TMX2: variants seen among roughly 807,000 people sequenced by gnomAD.
TMX2 encodes thioredoxin related transmembrane protein 2, also known as thioredoxin-related transmembrane protein 2.
In TMX2, 20 loss-of-function variants were observed where a neutral mutation model predicts 33.4. That is an observed-to-expected ratio of 0.60 (90% CI 0.42 to 0.87). The LOEUF is 0.87. Ranked by LOEUF, TMX2 falls within the 40% of genes least tolerant of loss-of-function variation. TMX2 has a pLI of 0.00. For missense variants in TMX2, 340 were observed against 370.7 expected (o/e 0.92, Z 0.68); for synonymous variants, 166 against 140.7 (o/e 1.18, Z -1.27).
At chr11:57,737,308 T>C (rs1319598898) in intron 1 of TMX2, among the ~76,000 whole-genome samples, 1 of 151,896 alleles carries the variant, frequency 6.6e-6, no homozygotes, top group African/African-American at 2.4e-5. Flanking sequence ...CAATCCCAGC[T>C]ACCTGGGAGG....
At chr11:57,720,122 C>G (rs1260368041) in intron 1 of TMX2, among the ~76,000 whole-genome samples, 1 of 107,670 alleles carries the variant, frequency 9.3e-6, no homozygotes, top group Non-Finnish European at 1.9e-5. Context: ...AACCCCATCT[C>G]TACTAAAAAT....
At chr11:57,715,424 TA>T (rs992781681) in intron 1 of TMX2, among the ~76,000 whole-genome samples, 3 of 149,764 alleles carry the variant, frequency 2.0e-5, no homozygotes, top group Non-Finnish European at 3.0e-5. Flanking sequence ...TAAATAAAAT[TA>T]AAAAAATATA....
In TMX2 at chr11:57,738,153, C is replaced by G. The variant is rs946346731; in HGVS notation, c.364+127C>G. The G allele has an allele frequency of 5.1e-6, 4 of 782,306 alleles. No homozygotes were observed. The African/African-American group carries it at 7.0e-5, about 14-fold the overall frequency. 48.5% of individuals were successfully genotyped at this position (782,306 alleles called of 1,614,324 possible). On this transcript the variant is annotated intron_variant, in intron 3 of 7. Transcript: ENST00000278422. ...TTCTCCATACCCTTCTTCCATATCT[C>G]ATACCTAATGAATTATATATGTAGC...
intron 1 of TMX2, among the ~76,000 whole-genome samples, chr11:57,736,854 C>G (rs1436334757): frequency 4.0e-4 from 59 of 148,660 alleles, no homozygotes; most frequent in Non-Finnish European, 4.4e-5. Flanking sequence ...CCATTGCACT[C>G]TAGCCTGGGC....
chr11:57,739,150 C>T lies in TMX2; in HGVS notation c.634C>T (p.Pro212Ser), dbSNP rs138945359. 2.2e-5 allele frequency: 36 copies of T among 1,614,092 alleles called. No individual in the cohort carries two copies. In the African/African-American group the frequency reaches 4.7e-4, roughly 21 times the overall value. The change falls in exon 7 of 8, where the codon CCC (proline) becomes TCC (serine). Residue 212 changes from proline to serine, a missense_variant. Around this residue, in one of 3 missense-constraint regions of TMX2, gnomAD observed 209 missense variants for 241.6 expected, o/e 0.87. Coordinates refer to ENST00000278422, the MANE Select transcript of TMX2 (RefSeq NM_015959.4). ...VSTRYKVSTS[P>S]LTKQLPTLIL... Reference sequence around the variant, plus strand: ...CTGCAGGTACAAAGTGAGCACATCACCCCTCACCAAGCAACTCCCTACCCT... The same window carrying T: ...CTGCAGGTACAAAGTGAGCACATCATCCCTCACCAAGCAACTCCCTACCCT...
At chr11:57,723,971 T>C (rs374223862) in intron 1 of TMX2, among the ~76,000 whole-genome samples, 1 of 151,484 alleles carries the variant, frequency 6.6e-6, no homozygotes, top group African/African-American at 2.4e-5. Context: ...ATAGTCAATA[T>C]AGGGGAAGGG....
In TMX2 at chr11:57,740,476, A is replaced by T. The variant is rs1365178413; in HGVS notation, c.*231A>T. The T allele has an allele frequency of 2.1e-6, 1 of 467,452 alleles. No homozygotes were observed. Among genetic ancestry groups the T allele is most frequent in the Non-Finnish European group, 3.7e-6 (1 of 267,442 alleles). The allele number at this position is 467,452 out of a possible 1,614,324, so 29.0% of individuals were successfully genotyped here. On this transcript the variant is annotated 3_prime_UTR_variant, in exon 8 of 8. Coordinates refer to ENST00000278422, the MANE Select transcript of TMX2 (RefSeq NM_015959.4). ...TGGAGCAAGAAAGAGATCTCATAGG[A>T]CGGAGGGGGAAATGGTTTCCCTCCA...
chr11:57,725,158 C>T (rs1471903487), intron 1 of TMX2, among the ~76,000 whole-genome samples: 1 of 152,130 alleles, frequency 6.6e-6, no homozygotes, highest in Non-Finnish European at 1.5e-5. Context: ...GTAAATCCTC[C>T]ATTGCATAGC....
At chr11:57,719,059 A>C (rs1426664661) in intron 1 of TMX2, among the ~76,000 whole-genome samples, 2 of 120,050 alleles carry the variant, frequency 1.7e-5, no homozygotes, top group Non-Finnish European at 3.4e-5. Context: ...TTTTTTTGAG[A>C]CAGAGTCTCA....
At chr11:57,716,849 C>G (rs917434682) in intron 1 of TMX2, among the ~76,000 whole-genome samples, 2 of 151,344 alleles carry the variant, frequency 1.3e-5, no homozygotes, top group East Asian at 2.0e-4. Context: ...GCTGACCCCC[C>G]CCACCTCCCT....
rs1307517266 is a variant in TMX2 at position 57,716,695 on chromosome 11, G to A, written c.189+3888G>A. 4.8e-5 allele frequency among the ~76,000 whole-genome samples: 7 copies of A among 146,778 alleles called. No homozygotes were observed. The East Asian group carries it at 1.1e-3, about 22-fold the overall frequency. ...CCCCCACCTCCCTCCCGGACGGGGCGGCAGGCCGGGTGGGGGGCTGACTCC... is the reference window on the plus strand; with the variant it reads ...CCCCCACCTCCCTCCCGGACGGGGCAGCAGGCCGGGTGGGGGGCTGACTCC... On this transcript the variant is annotated intron_variant, in intron 1 of 7. Transcript: ENST00000278422.
chr11:57,725,353 T>G (rs1308193164), intron 1 of TMX2, among the ~76,000 whole-genome samples: 2 of 152,194 alleles, frequency 1.3e-5, no homozygotes, highest in Non-Finnish European at 2.9e-5. Context: ...TCTGTTTCAC[T>G]GCTAATGCTC....
At chr11:57,716,674 C>A (rs1198735552) in intron 1 of TMX2, among the ~76,000 whole-genome samples, 2 of 144,962 alleles carry the variant, frequency 1.4e-5, no homozygotes, top group Non-Finnish European at 3.1e-5. Flanking sequence ...CTGACCCCCC[C>A]ACCTCCCTCC....
chr11:57,723,278 G>A (rs2956982), intron 1 of TMX2, among the ~76,000 whole-genome samples: 61,691 of 151,418 alleles, frequency 0.41, 13,014 homozygotes, highest in Middle Eastern at 0.48. Flanking sequence ...TCAGGAGTTC[G>A]AGACCAGCCT....
chr11:57,736,233 C>T (rs562088987), intron 1 of TMX2, among the ~76,000 whole-genome samples: 1 of 151,964 alleles, frequency 6.6e-6, no homozygotes, highest in Admixed American at 6.5e-5. Flanking sequence ...TTGGTGGTTA[C>T]ATTCTACAAC....
chr11:57,719,138 C>T (rs997950937), intron 1 of TMX2, among the ~76,000 whole-genome samples: 14 of 141,852 alleles, frequency 9.9e-5, no homozygotes, highest in Admixed American at 3.6e-4. Flanking sequence ...TGGGTTCAAG[C>T]GATTCTCCTG....
chr11:57,713,252 A>G (rs1946750291), intron 1 of TMX2, among the ~76,000 whole-genome samples: 1 of 152,204 alleles, frequency 6.6e-6, no homozygotes, highest in Non-Finnish European at 1.5e-5. Flanking sequence ...GCCCCAGGTC[A>G]TACAACTAAT....
At chr11:57,730,112 A>C (rs1352770766) in intron 1 of TMX2, among the ~76,000 whole-genome samples, 2 of 142,288 alleles carry the variant, frequency 1.4e-5, no homozygotes, top group Non-Finnish European at 3.1e-5. Context: ...TCCCCCCACA[A>C]AAAAAAATAA....
At chr11:57,730,823 TAGGGTAAA>T (rs1948332080) in intron 1 of TMX2, among the ~76,000 whole-genome samples, 1 of 152,078 alleles carries the variant, frequency 6.6e-6, no homozygotes, top group Non-Finnish European at 1.5e-5. Context: ...GAGAGACATT[TAGGGTAAA>T]ACAGCCTAAC....
Sources: gnomAD v4.1 joint callset for allele counts (sites outside exome capture counted in the v4.1 genomes callset) on GRCh38, gnomAD v4.1.1 for gene constraint, gnomAD v4.1.1 regional missense constraint, MANE v1.5 for transcripts, NCBI Gene and HGNC (gene_info 2026-07-23, HGNC 2026-07-21) for gene names.